Variants in SPATA20 observed in about 807,000 individuals in gnomAD.
SPATA20 encodes spermatogenesis associated 20.
In SPATA20, 74 loss-of-function variants were observed where a neutral mutation model predicts 98.9. The observed-to-expected ratio is 0.75, with a 90% CI of 0.62 to 0.91. The LOEUF (loss-of-function observed/expected upper bound fraction) is 0.91, where lower values mean the gene tolerates loss of function less well. SPATA20 is among the 40% of genes least tolerant of loss of function. The pLI, the probability that SPATA20 is intolerant of heterozygous loss-of-function variation, is 0.00. For missense variants in SPATA20, 1,016 were observed against 1,069.8 expected (o/e 0.95, Z 0.70); for synonymous variants, 430 against 440.5 (o/e 0.98, Z 0.30).
At chr17:50,554,542 C>A in intron 15 of SPATA20, 92 bp downstream of exon 15, 2 of 1,344,408 alleles carry the variant, frequency 1.5e-6, no homozygotes, top group South Asian at 1.2e-5. Context: ...GGTTCCTGGG[C>A]TGTCCCCAGA....
chr17:50,554,541 G>A (rs569825366), intron 15 of SPATA20, 91 bp downstream of exon 15: 2 of 1,347,150 alleles, frequency 1.5e-6, no homozygotes, highest in East Asian at 2.3e-5. Context: ...GGGTTCCTGG[G>A]CTGTCCCCAG....
chr17:50,555,356 C>T, intron 16 of SPATA20, 44 bp downstream of exon 16: 1 of 1,593,172 alleles, frequency 6.3e-7, no homozygotes, highest in Non-Finnish European at 8.6e-7. Flanking sequence ...CCCAGAGCTG[C>T]CCCCTCCCAT....
chr17:50,547,192 C>T lies in SPATA20; in HGVS notation c.-17C>T, dbSNP rs1001983992. On this transcript the variant is annotated 5_prime_UTR_variant, in exon 1 of 17. Transcript: ENST00000006658. ...CCTTCCTGTCCTCAGCGGCCGGGCCCACGGCCCCGAGCAGCCATGCTGGGC... is the reference window on the plus strand; with the variant it reads ...CCTTCCTGTCCTCAGCGGCCGGGCCTACGGCCCCGAGCAGCCATGCTGGGC... 8 of 1,418,962 alleles carry T rather than the reference C, an allele frequency of 5.6e-6. No homozygotes were observed. Among genetic ancestry groups the T allele is most frequent in the Middle Eastern group, 2.4e-4 (1 of 4,090 alleles). 87.9% of individuals were successfully genotyped at this position (1,418,962 alleles called of 1,614,324 possible).
At chr17:50,553,222 G>C (rs1461832778) in intron 14 of SPATA20, among the ~76,000 whole-genome samples, 3 of 152,218 alleles carry the variant, frequency 2.0e-5, no homozygotes, top group Non-Finnish European at 4.4e-5. Flanking sequence ...TTCTGCCACT[G>C]TTGTATCCCC....
chr17:50,547,942 G>A, intron 2 of SPATA20, 175 bp downstream of exon 2: 1 of 1,509,070 alleles, frequency 6.6e-7, no homozygotes, highest in African/African-American at 1.4e-5. Flanking sequence ...CTCCAGGAAG[G>A]GCCGGGGGAG....
chr17:50,547,183 G>T lies in SPATA20; in HGVS notation c.-26G>T, dbSNP rs1377519800. The stretch of plus-strand genomic sequence containing the variant: ...CCTGACTTCCCTTCCTGTCCTCAGC[G>T]GCCGGGCCCACGGCCCCGAGCAGCC... On this transcript the variant is annotated 5_prime_UTR_variant, in exon 1 of 17. Coordinates refer to ENST00000006658, the MANE Select transcript of SPATA20 (RefSeq NM_022827.4). 2 of 1,415,708 alleles carry T rather than the reference G, an allele frequency of 1.4e-6. No individual in the cohort carries two copies. The highest frequency in any genetic ancestry group is 1.8e-6 in the Non-Finnish European group (2 of 1,093,552). 87.7% of individuals were successfully genotyped at this position (1,415,708 alleles called of 1,614,324 possible). A position where few individuals can be genotyped will look rare whatever the true frequency, so the allele number is the denominator to read the frequency against.
rs764138001 is a variant in SPATA20, at chr17:50,551,665, G to A, written c.1731G>A (p.Gly577=). The A allele has an allele frequency of 1.9e-6, 3 of 1,590,420 alleles. No individual in the cohort carries two copies. The highest frequency in any genetic ancestry group is 2.6e-6 in the Non-Finnish European group (3 of 1,161,128). ...LMRTCYTGPG[G]TVEHSNPPCW... ...GGACCTGCTACACCGGCCCTGGGGG[G>A]ACTGTGGAGCACAGGTTGGGGGCTG... is the stretch of plus-strand genomic sequence containing the variant. The change falls in exon 13 of 17, where the codon GGG becomes GGA. Residue 577 remains glycine, a synonymous_variant. Coordinates refer to ENST00000006658, the MANE Select transcript of SPATA20 (RefSeq NM_022827.4).
In SPATA20 at chr17:50,549,552, C is replaced by G; in HGVS notation, c.862+65C>G. ...TCTGATTCCTATGCTGGTCAGGGACCTACTGGCTCCTGGCCTCACCCATAG... is the reference window on the plus strand; with the variant it reads ...TCTGATTCCTATGCTGGTCAGGGACGTACTGGCTCCTGGCCTCACCCATAG... On this transcript the variant is annotated intron_variant, in intron 7 of 16. Coordinates refer to ENST00000006658, the MANE Select transcript of SPATA20 (RefSeq NM_022827.4). 5 of 1,502,286 alleles carry G rather than the reference C, an allele frequency of 3.3e-6. No homozygotes were observed. In the South Asian group the frequency reaches 5.9e-5, roughly 18 times the overall value. 93.1% of individuals were successfully genotyped at this position (1,502,286 alleles called of 1,614,324 possible).
Position 50,549,483 on chromosome 17 carries a change from G to A in SPATA20, c.858G>A (p.Thr286=), listed in dbSNP as rs145311617. 16 of 1,611,160 alleles carry A rather than the reference G, an allele frequency of 9.9e-6. No individual in the cohort carries two copies. Among genetic ancestry groups the A allele is most frequent in the South Asian group, 4.4e-5 (4 of 91,040 alleles). ...TCGCTGAGGCCCCCAAGTTTCCCAC[G>A]CCGGGTCAGTGCCCCACGCCCGCCT... The part of the protein sequence containing the change: ...GGFAEAPKFP[T]PVILSFLFSY... The change falls in exon 7 of 17, where the codon ACG becomes ACA. Residue 286 remains threonine (T), a synonymous_variant. Transcript: ENST00000006658.
intron 16 of SPATA20, 33 bp from the exon 17 acceptor site, chr17:50,555,459 C>A: frequency 6.2e-7 from 1 of 1,611,384 alleles, no homozygotes; most frequent in Non-Finnish European, 8.5e-7. Context: ...CCCACCCCGG[C>A]AGGTGACTCT....
chr17:50,552,801 A>G (rs955321776), intron 14 of SPATA20, among the ~76,000 whole-genome samples: 1 of 151,804 alleles, frequency 6.6e-6, no homozygotes, highest in Non-Finnish European at 1.5e-5. Flanking sequence ...TGATCTGCCC[A>G]CCTCGGCCTC....
In SPATA20 at chr17:50,554,344, A is replaced by C; in HGVS notation, c.2051A>C (p.Lys684Thr). The stretch of plus-strand genomic sequence containing the variant: ...ACGGGCCACAAGGACTGGATGGACA[A>C]GTGTGTGTGCCTATTGACCGCCTTT... Reference protein sequence around the residue: ...GFTGHKDWMDKCVCLLTAFSE... With the variant: ...GFTGHKDWMDTCVCLLTAFSE... Residue 684 changes from lysine to threonine, a missense_variant, in exon 15 of 17, where the codon AAG (lysine) becomes ACG (threonine). Physicochemically the swap from Lys to Thr is moderately conservative, Grantham distance 78. Transcript: ENST00000006658. 1.2e-6 allele frequency: 2 copies of C among 1,614,166 alleles called. No homozygotes were observed.
In SPATA20 at chr17:50,551,037, G is replaced by A. The variant is rs370810756; in HGVS notation, c.1423G>A (p.Val475Ile). The A allele has an allele frequency of 1.2e-5, 20 of 1,613,328 alleles. No homozygotes were observed. Among genetic ancestry groups the A allele is most frequent in the Non-Finnish European group, 1.4e-5 (17 of 1,180,024 alleles). The change falls in exon 12 of 17, where the codon GTC becomes ATC. Residue 475 changes from valine to isoleucine, a missense_variant. Val to Ile is a conservative substitution (Grantham distance 29). Coordinates refer to ENST00000006658, the MANE Select transcript of SPATA20 (RefSeq NM_022827.4). ...GELQGQNVLT[V>I]RYSLELTAAR... ...GCTGCAGGGCCAGAATGTGCTGACC[G>A]TCCGGTACTCGCTGGAGCTGACTGC...
intron 9 of SPATA20, 101 bp from the exon 10 acceptor site, chr17:50,550,435 C>A: frequency 7.1e-7 from 1 of 1,400,672 alleles, no homozygotes; most frequent in Non-Finnish European, 1.0e-6. Flanking sequence ...ACCCACTACC[C>A]AGGCTTCCCT....
chr17:50,555,590 T>C lies in SPATA20; in HGVS notation c.2337T>C (p.Tyr779=). Residue 779 remains tyrosine, a synonymous_variant, in exon 17 of 17, where the codon TAT becomes TAC. Coordinates refer to ENST00000006658, the MANE Select transcript of SPATA20 (RefSeq NM_022827.4). The part of the protein sequence containing the change: ...LRRLEDQATA[Y]VCENQACSVP... ...GGTTGGAAGACCAGGCCACTGCATA[T>C]GTGTGTGAGAATCAAGCCTGCTCAG... is the stretch of plus-strand genomic sequence containing the variant. The C allele has an allele frequency of 1.2e-6, 2 of 1,613,986 alleles. No individual in the cohort carries two copies. Among genetic ancestry groups the C allele is most frequent in the Non-Finnish European group, 1.7e-6 (2 of 1,179,950 alleles).
Position 50,551,646 on chromosome 17 carries a change from G to A in SPATA20, c.1712G>A (p.Cys571Tyr). ...GCCAGTGGCCGCCTGATGCGGACCTGCTACACCGGCCCTGGGGGGACTGTG... is the reference window on the plus strand; with the variant it reads ...GCCAGTGGCCGCCTGATGCGGACCTACTACACCGGCCCTGGGGGGACTGTG... ...DVASGRLMRT[C>Y]YTGPGGTVEH... is the part of the protein sequence containing the mutation. The change falls in exon 13 of 17, where the codon TGC (cysteine) becomes TAC (tyrosine). Residue 571 changes from cysteine to tyrosine, a missense_variant. Physicochemically the swap from Cys to Tyr is radical, Grantham distance 194. Coordinates refer to ENST00000006658, the MANE Select transcript of SPATA20 (RefSeq NM_022827.4). 1 of 1,597,184 alleles carries A rather than the reference G, an allele frequency of 6.3e-7. No individual in the cohort carries two copies. Among genetic ancestry groups the A allele is most frequent in the Non-Finnish European group, 8.6e-7 (1 of 1,166,440 alleles).
At chr17:50,553,558 T>A (rs1217068894) in intron 14 of SPATA20, among the ~76,000 whole-genome samples, 1 of 67,670 alleles carries the variant, frequency 1.5e-5, no homozygotes, top group African/African-American at 8.3e-5. Flanking sequence ...ACGGAAGCCG[T>A]CTTTTTTTTT....
chr17:50,554,397 G>A lies in SPATA20; in HGVS notation c.2104G>A (p.Ala702Thr). ...CGAGCGCATGCGTCGTGTCCCGGTG[G>A]CGTTGCCCGAGATGGTCCGCGCCCT... is the stretch of plus-strand genomic sequence containing the variant. Reference protein sequence around the residue: ...FSERMRRVPVALPEMVRALSA... With the variant: ...FSERMRRVPVTLPEMVRALSA... Residue 702 changes from alanine (A) to threonine (T), a missense_variant, in exon 15 of 17, where the codon GCG becomes ACG. Ala to Thr is a moderately conservative substitution (Grantham distance 58). Coordinates refer to ENST00000006658, the MANE Select transcript of SPATA20 (RefSeq NM_022827.4). 6.2e-7 allele frequency: 1 copy of A among 1,613,958 alleles called. No homozygotes were observed. Among genetic ancestry groups the A allele is most frequent in the East Asian group, 2.2e-5 (1 of 44,890 alleles).
rs769850236 is a variant in SPATA20 at position 50,551,145 on chromosome 17, C to A, written c.1531C>A (p.Arg511=). 1 of 1,582,386 alleles carries A rather than the reference C, an allele frequency of 6.3e-7. No individual in the cohort carries two copies. Among genetic ancestry groups the A allele is most frequent in the Non-Finnish European group, 8.6e-7 (1 of 1,167,310 alleles). Residue 511 remains arginine, a synonymous_variant, in exon 12 of 17, where the codon CGG becomes AGG. Coordinates refer to ENST00000006658, the MANE Select transcript of SPATA20 (RefSeq NM_022827.4). Reference sequence around the variant, plus strand: ...GAAGCTCTTCCAGGCCCGGAAGCATCGGCCCAAGCCGCACCTGGACAGCAA... The same window carrying A: ...GAAGCTCTTCCAGGCCCGGAAGCATAGGCCCAAGCCGCACCTGGACAGCAA... The part of the protein sequence containing the change: ...LEKLFQARKH[R]PKPHLDSKML...
Sources: gnomAD v4.1 joint callset for allele counts (sites outside exome capture counted in the v4.1 genomes callset) on GRCh38, gnomAD v4.1.1 for gene constraint, MANE v1.5 for transcripts, NCBI Gene and HGNC (gene_info 2026-07-23, HGNC 2026-07-21) for gene names.